The following CNTNAP4 variants were observed in gnomAD, a reference collection of about 807,000 sequenced individuals.
CNTNAP4 encodes the protein contactin associated protein family member 4, also known as contactin-associated protein-like 4.
A neutral mutation model predicts 148.4 loss-of-function variants in CNTNAP4; 98 were observed. The observed-to-expected ratio is 0.66, with a 90% confidence interval of 0.56 to 0.78. CNTNAP4 has a LOEUF of 0.78. Ranked by LOEUF, CNTNAP4 falls within the 30% of genes least tolerant of loss-of-function variation. The probability of loss-of-function intolerance (pLI) is 0.00; values close to 1 mark genes in which losing one functional copy is unlikely to be tolerated. For missense variants in CNTNAP4, 1,935 were observed against 1,565.6 expected (o/e 1.24, Z -3.98); for synonymous variants, 730 against 565.1 (o/e 1.29, Z -4.14).
chr16:76,501,144 C>T (rs2082624746), intron 15 of CNTNAP4, among the ~76,000 whole-genome samples: 1 of 152,324 alleles, frequency 6.6e-6, no homozygotes, highest in South Asian at 2.1e-4. Flanking sequence ...ATCACCTCTA[C>T]TTCCTGTTCT....
chr16:76,560,087 C>T lies in CNTNAP4; in HGVS notation c.*1404C>T, dbSNP rs1349109267. 6.6e-6 allele frequency among the ~76,000 whole-genome samples: 1 copy of T among 152,098 alleles called. No individual in the cohort carries two copies. Among genetic ancestry groups the T allele is most frequent in the African/African-American group, 2.4e-5 (1 of 41,420 alleles). ...TTATGGAACTGTTACAATAATTAATCTTGAGACCATGCATACAAGGAACTA... is the reference window on the plus strand; with the variant it reads ...TTATGGAACTGTTACAATAATTAATTTTGAGACCATGCATACAAGGAACTA... On this transcript the variant is annotated 3_prime_UTR_variant, in exon 24 of 24. Transcript: ENST00000611870.
intron 2 of CNTNAP4, among the ~76,000 whole-genome samples, chr16:76,318,081 C>G (rs537623546): frequency 3.3e-5 from 5 of 152,272 alleles, no homozygotes; most frequent in Admixed American, 2.6e-4. Flanking sequence ...CTTTCCTAGC[C>G]TCTCTGATGG....
At chr16:76,334,913 T>C (rs1296608386) in intron 2 of CNTNAP4, among the ~76,000 whole-genome samples, 1 of 151,980 alleles carries the variant, frequency 6.6e-6, no homozygotes, top group Admixed American at 6.5e-5. Flanking sequence ...GCTCATACTG[T>C]AGGAGCCATC....
At chr16:76,306,369 C>A (rs1273671230) in intron 1 of CNTNAP4, among the ~76,000 whole-genome samples, 1 of 152,124 alleles carries the variant, frequency 6.6e-6, no homozygotes, top group East Asian at 1.9e-4. Flanking sequence ...CAACAGTGGG[C>A]CCTTAACATC....
intron 3 of CNTNAP4, among the ~76,000 whole-genome samples, chr16:76,374,228 C>G (rs1433442818): frequency 6.6e-6 from 1 of 152,114 alleles, no homozygotes; most frequent in East Asian, 1.9e-4. Context: ...GGGGCAATCA[C>G]TTTATTACAT....
chr16:76,527,897 CTG>C (rs1314741360), intron 17 of CNTNAP4, among the ~76,000 whole-genome samples: 2 of 152,046 alleles, frequency 1.3e-5, no homozygotes, highest in Non-Finnish European at 2.9e-5. Context: ...CATGGAAACA[CTG>C]TTTTTATAAT....
chr16:76,401,529 C>T (rs951191005), intron 3 of CNTNAP4, among the ~76,000 whole-genome samples: 1 of 152,080 alleles, frequency 6.6e-6, no homozygotes, highest in Non-Finnish European at 1.5e-5. Flanking sequence ...TATTTGGATA[C>T]CTTTTATTTC....
intron 21 of CNTNAP4, among the ~76,000 whole-genome samples, chr16:76,544,606 C>G (rs2084624330): frequency 6.6e-6 from 1 of 152,040 alleles, no homozygotes; most frequent in Non-Finnish European, 1.5e-5. Context: ...GAGTTCAGAT[C>G]CTCTCATAAT....
chr16:76,373,261 T>TAA (rs1186838750), intron 3 of CNTNAP4, among the ~76,000 whole-genome samples: 3 of 101,068 alleles, frequency 3.0e-5, no homozygotes, highest in African/African-American at 7.3e-5. Flanking sequence ...ATATTCCACA[T>TAA]ATATATGTGA....
chr16:76,539,536 T>C (rs949763839), intron 19 of CNTNAP4, among the ~76,000 whole-genome samples, 183 bp from the exon 20 acceptor site: 1 of 152,098 alleles, frequency 6.6e-6, no homozygotes, highest in African/African-American at 2.4e-5. Flanking sequence ...TACTTGGTCA[T>C]GATTTTGCAA....
At chr16:76,545,530 G>A (rs1051915012) in intron 21 of CNTNAP4, among the ~76,000 whole-genome samples, 3 of 152,010 alleles carry the variant, frequency 2.0e-5, no homozygotes, top group Non-Finnish European at 1.5e-5. Flanking sequence ...GATGTCACCT[G>A]CAAAGCTTTT....
chr16:76,367,423 A>G (rs2014275633), intron 3 of CNTNAP4, among the ~76,000 whole-genome samples: 1 of 152,166 alleles, frequency 6.6e-6, no homozygotes, highest in South Asian at 2.1e-4. Flanking sequence ...ATGAAAAATT[A>G]GATAATATAT....
intron 21 of CNTNAP4, 80 bp from the exon 22 acceptor site, chr16:76,553,203 G>A: frequency 2.5e-6 from 2 of 786,206 alleles, no homozygotes; most frequent in East Asian, 2.7e-5. Flanking sequence ...TATTGCATTA[G>A]CTCAGAATCC....
intron 12 of CNTNAP4, among the ~76,000 whole-genome samples, chr16:76,482,215 T>A (rs1203388134): frequency 1.3e-5 from 2 of 152,008 alleles, no homozygotes; most frequent in African/African-American, 4.8e-5. Context: ...TTTCAAGTAA[T>A]GCAAAAATCC....
At chr16:76,487,024 C>A (rs2082052717) in intron 12 of CNTNAP4, among the ~76,000 whole-genome samples, 1 of 152,172 alleles carries the variant, frequency 6.6e-6, no homozygotes. Context: ...AGATCATAAA[C>A]AGATAGATAT....
intron 12 of CNTNAP4, among the ~76,000 whole-genome samples, chr16:76,480,904 A>C (rs2081802827): frequency 2.0e-5 from 3 of 152,212 alleles, no homozygotes; most frequent in Admixed American, 2.0e-4. Context: ...CATATTCTAA[A>C]ATTATGAGTA....
chr16:76,431,561 C>G (rs916695085), intron 4 of CNTNAP4, among the ~76,000 whole-genome samples: 3 of 152,128 alleles, frequency 2.0e-5, no homozygotes, highest in Non-Finnish European at 4.4e-5. Context: ...CGCCTGTAAT[C>G]CTAGCTACTT....
rs544411689 is a variant in CNTNAP4 at position 76,426,252 on chromosome 16, A to G, written c.391-1200A>G. Among the ~76,000 whole-genome samples the G allele has an allele frequency of 1.0e-3, 157 of 152,270 alleles. 1 individual carries two copies. The highest frequency in any genetic ancestry group is 3.5e-3 in the African/African-American group (144 of 41,546). On this transcript the variant is annotated intron_variant, in intron 3 of 23. Coordinates refer to ENST00000611870, the MANE Select transcript of CNTNAP4 (RefSeq NM_033401.5). ...TGTTTTGGTAAATGATAGTAAGGGA[A>G]TATTTGTGAATTAGAAAGAAAAACA...
At chr16:76,481,847 C>T (rs2081841642) in intron 12 of CNTNAP4, among the ~76,000 whole-genome samples, 1 of 151,950 alleles carries the variant, frequency 6.6e-6, no homozygotes, top group East Asian at 1.9e-4. Flanking sequence ...CAGCAACAAA[C>T]CTAGGATAGC....
Sources: gnomAD v4.1 joint callset for allele counts (sites outside exome capture counted in the v4.1 genomes callset) on GRCh38, gnomAD v4.1.1 for gene constraint, MANE v1.5 for transcripts, NCBI Gene and HGNC (gene_info 2026-07-23, HGNC 2026-07-21) for gene names.